The following RRP1B variants were observed in gnomAD, a reference collection of about 807,000 sequenced individuals.
RRP1B encodes the protein ribosomal RNA processing protein 1 homolog B.
Under a neutral mutation model 80.2 loss-of-function variants are expected in RRP1B, and 56 were observed. That is an observed-to-expected ratio of 0.70 (90% CI 0.56 to 0.87). RRP1B has a LOEUF of 0.87. Among genes scored for constraint, RRP1B ranks in the 40% least tolerant of loss-of-function variants. The pLI is 0.00. For missense variants in RRP1B, 807 were observed against 939.8 expected (o/e 0.86, Z 1.85); for synonymous variants, 351 against 357.6 (o/e 0.98, Z 0.21).
intron 7 of RRP1B, among the ~76,000 whole-genome samples, 157 bp downstream of exon 7, chr21:43,676,493 T>C (rs760314533): frequency 1.2e-4 from 19 of 152,238 alleles, no homozygotes; most frequent in Non-Finnish European, 1.9e-4. Flanking sequence ...ATTTGGCTCT[T>C]CTAGCTTCAG....
intron 6 of RRP1B, among the ~76,000 whole-genome samples, chr21:43,675,546 T>C (rs1156577291): frequency 1.3e-5 from 2 of 152,234 alleles, no homozygotes; most frequent in Non-Finnish European, 2.9e-5. Context: ...TTTTTTAGTA[T>C]GCAAATGATT....
intron 8 of RRP1B, among the ~76,000 whole-genome samples, chr21:43,682,161 G>A (rs1406024287): frequency 1.3e-5 from 2 of 151,858 alleles, no homozygotes; most frequent in Non-Finnish European, 1.5e-5. Context: ...TAACAGAGTT[G>A]ACTAAGGACC....
In RRP1B at chr21:43,689,725, G is replaced by A. The variant is rs117964513; in HGVS notation, c.1867-563G>A. Among the ~76,000 whole-genome samples the A allele has an allele frequency of 7.7e-3, 1,170 of 152,344 alleles. 42 individuals are homozygous for A. Among genetic ancestry groups the A allele is most frequent in the Admixed American group, 0.056 (853 of 15,310 alleles). ...GGAAGGCGCACAGGAGAAGCTCCTC[G>A]GGCTTCCCTGCCCTCCAGGCGGCAC... On this transcript the variant is annotated intron_variant, in intron 13 of 15. Transcript: ENST00000340648.
Position 43,679,275 on chromosome 21 carries a change from G to A in RRP1B, c.796+2361G>A, listed in dbSNP as rs142273913. Among the ~76,000 whole-genome samples the A allele has an allele frequency of 6.3e-4, 95 of 150,214 alleles. 1 individual carries two copies. The highest frequency in any genetic ancestry group is 2.0e-3 in the African/African-American group (83 of 40,504). On this transcript the variant is annotated intron_variant, in intron 8 of 15. Transcript: ENST00000340648. ...GGTGTTTTGGGTTTTTTTTGGCGGC[G>A]GGGAGGGGAGAGAGACAGAGTCTTG...
intron 3 of RRP1B, 110 bp from the exon 4 acceptor site, chr21:43,673,760 A>C (rs2083009616): frequency 1.6e-6 from 1 of 642,222 alleles, no homozygotes; most frequent in South Asian, 2.6e-5. Context: ...AGAATTACTG[A>C]GAAAAGTGAA....
chr21:43,668,445 G>A (rs2147162671), intron 1 of RRP1B, among the ~76,000 whole-genome samples: 2 of 150,610 alleles, frequency 1.3e-5, no homozygotes, highest in South Asian at 4.2e-4. Flanking sequence ...ACTGCAAAGT[G>A]CAAACTCCAC....
intron 3 of RRP1B, 62 bp downstream of exon 3, chr21:43,672,427 C>A: frequency 7.2e-7 from 1 of 1,386,210 alleles, no homozygotes; most frequent in Non-Finnish European, 1.0e-6. Flanking sequence ...TTAATGGGAA[C>A]CTTGTGCCGG....
At chr21:43,666,537 C>T (rs565296639) in intron 1 of RRP1B, among the ~76,000 whole-genome samples, 60 of 152,198 alleles carry the variant, frequency 3.9e-4, no homozygotes, top group African/African-American at 1.3e-3. Context: ...GCCAACATGG[C>T]GAAACCCCGT....
In RRP1B at chr21:43,686,917, A is replaced by G. The variant is rs747428195; in HGVS notation, c.1123A>G (p.Asn375Asp). The G allele has an allele frequency of 1.2e-6, 2 of 1,613,806 alleles. No individual in the cohort carries two copies. The highest frequency in any genetic ancestry group is 1.7e-6 in the Non-Finnish European group (2 of 1,179,966). The change falls in exon 12 of 16, where the codon AAC (asparagine) becomes GAC (aspartate). Residue 375 changes from asparagine to aspartate, a missense_variant. Coordinates refer to ENST00000340648, the MANE Select transcript of RRP1B (RefSeq NM_015056.3). ...AGGAAATAAACTTTTAGAGAAAACT[A>G]ACTTGGAAAAGGAGAAAGGTAAGCT... ...KKGNKLLEKTNLEKEKGSRVF... is the reference protein window; with the variant it reads ...KKGNKLLEKTDLEKEKGSRVF...
At position 43,691,762 on chromosome 21, in the gene RRP1B, G is replaced by T. The variant is rs565483922; in HGVS notation, c.2083+260G>T. 5.2e-4 allele frequency among the ~76,000 whole-genome samples: 79 copies of T among 151,944 alleles called. 1 individual carries two copies. Among genetic ancestry groups the T allele is most frequent in the Non-Finnish European group, 9.4e-4 (64 of 67,944 alleles). On this transcript the variant is annotated intron_variant, in intron 15 of 15. Transcript: ENST00000340648. This position sits in a 1 kb window ranked among gnomAD's most constrained non-coding sequence, Gnocchi z 4.2. ...TCAAGCGATTCTCCTGCCTCAGGCT[G>T]CCGGGTAGCGGGTAGCTGGGATCAC... is the stretch of plus-strand genomic sequence containing the variant.
intron 1 of RRP1B, among the ~76,000 whole-genome samples, chr21:43,661,916 T>C (rs1372197241): frequency 1.3e-5 from 2 of 152,244 alleles, no homozygotes; most frequent in Admixed American, 6.5e-5. Flanking sequence ...CAGTTCAGTA[T>C]CACTTCCTTC....
chr21:43,685,736 T>C (rs1568959562), intron 10 of RRP1B, 34 bp from the exon 11 acceptor site: 1 of 1,383,466 alleles, frequency 7.2e-7, no homozygotes, highest in Non-Finnish European at 9.6e-7. Flanking sequence ...TTTGTTATTT[T>C]TTTATTTTTT....
In RRP1B at chr21:43,674,730, C is replaced by G. The variant is rs377326606; in HGVS notation, c.419+33C>G. ...AACCATTTGAGTTAGCATGTGGTAG[C>G]CTTAAAACTTAAAAGGTAGTAGAGT... is the stretch of plus-strand genomic sequence containing the variant. On this transcript the variant is annotated intron_variant, in intron 5 of 15. Transcript: ENST00000340648. The G allele has an allele frequency of 1.4e-5, 22 of 1,559,920 alleles. No individual in the cohort carries two copies. The South Asian group carries it at 2.4e-4, about 17-fold the overall frequency.
chr21:43,692,192 G>A (rs984461540), intron 15 of RRP1B, among the ~76,000 whole-genome samples: 24 of 152,320 alleles, frequency 1.6e-4, no homozygotes, highest in African/African-American at 5.3e-4. Flanking sequence ...GTCTCTCTGC[G>A]AAACTTCGGA....
At chr21:43,671,980 C>A (rs11702544) in intron 2 of RRP1B, among the ~76,000 whole-genome samples, 1 of 151,982 alleles carries the variant, frequency 6.6e-6, no homozygotes, top group Non-Finnish European at 1.5e-5. Context: ...AGCCACTGCA[C>A]GTGGCCAGAT....
intron 8 of RRP1B, among the ~76,000 whole-genome samples, chr21:43,680,825 A>G (rs2083040366): frequency 6.6e-6 from 1 of 152,208 alleles, no homozygotes; most frequent in Non-Finnish European, 1.5e-5. Context: ...GATTAAAGGC[A>G]TGAGCCACCA....
rs1317855026 is a variant in RRP1B, at chr21:43,659,839, G to A, written c.130+45G>A. On this transcript the variant is annotated intron_variant, in intron 1 of 15. Coordinates refer to ENST00000340648, the MANE Select transcript of RRP1B (RefSeq NM_015056.3). This position sits in a 1 kb window ranked among gnomAD's most constrained non-coding sequence, Gnocchi z 4.2. ...CAGCCGCGCCACATGGCGGGCCGGGGGCCGGGGCTGGGGCTAGGGCCAGGG... is the reference window on the plus strand; with the variant it reads ...CAGCCGCGCCACATGGCGGGCCGGGAGCCGGGGCTGGGGCTAGGGCCAGGG... The A allele has an allele frequency of 3.4e-6, 5 of 1,475,482 alleles. No individual in the cohort carries two copies. The highest frequency in any genetic ancestry group is 4.5e-6 in the Non-Finnish European group (5 of 1,106,826). 91.4% of individuals were successfully genotyped at this position (1,475,482 alleles called of 1,614,324 possible).
Position 43,674,893 on chromosome 21 carries a change from C to A in RRP1B, c.420-141C>A, listed in dbSNP as rs2083015350. On this transcript the variant is annotated intron_variant, in intron 5 of 15. Transcript: ENST00000340648. ...CATTTTATCCTGATTTAAGTGATTG[C>A]TTTTTTCCTTGTAAAATGATTTCAG... 4.0e-6 allele frequency: 5 copies of A among 1,245,874 alleles called. No homozygotes were observed. In the African/African-American group the frequency reaches 4.5e-5, roughly 11 times the overall value. 77.2% of individuals were successfully genotyped at this position (1,245,874 alleles called of 1,614,324 possible). A position where few individuals can be genotyped will look rare whatever the true frequency, so the allele number is the denominator to read the frequency against.
chr21:43,692,158 C>T (rs758340619), intron 15 of RRP1B, among the ~76,000 whole-genome samples: 1 of 152,192 alleles, frequency 6.6e-6, no homozygotes, highest in South Asian at 2.1e-4. Context: ...CATTTGAGAT[C>T]GTAGTGCTCC....
Sources: gnomAD v4.1 joint callset for allele counts (sites outside exome capture counted in the v4.1 genomes callset) on GRCh38, gnomAD v4.1.1 for gene constraint, Gnocchi (gnomAD v3.1) non-coding constraint, MANE v1.5 for transcripts, NCBI Gene and HGNC (gene_info 2026-07-23, HGNC 2026-07-21) for gene names.